The following CADM2 variants were observed in gnomAD, a reference collection of about 807,000 sequenced individuals.
CADM2 encodes the protein immunoglobulin superfamily member 4D.
In CADM2, 12 loss-of-function variants were observed where a neutral mutation model predicts 49.8. That is an observed-to-expected ratio of 0.24 (90% CI 0.15 to 0.39). The LOEUF (loss-of-function observed/expected upper bound fraction) is 0.39. CADM2 is among the 10% of genes least tolerant of loss of function. CADM2 has a pLI of 1.00. For missense variants in CADM2, 378 were observed against 492.3 expected (o/e 0.77, Z 2.20); for synonymous variants, 214 against 175.4 (o/e 1.22, Z -1.74).
At chr3:85,210,587 G>A (rs932658544) in intron 1 of CADM2, among the ~76,000 whole-genome samples, 1 of 152,038 alleles carries the variant, frequency 6.6e-6, no homozygotes, top group Non-Finnish European at 1.5e-5. Context: ...TGTTGCCCAG[G>A]TTGGAGTGCA....
intron 1 of CADM2, among the ~76,000 whole-genome samples, chr3:85,671,782 A>G (rs2065743758): frequency 6.6e-6 from 1 of 152,176 alleles, no homozygotes; most frequent in Non-Finnish European, 1.5e-5. Flanking sequence ...TTTAAAATTT[A>G]TCTTCTCATA....
intron 1 of CADM2, among the ~76,000 whole-genome samples, chr3:85,120,486 C>T (rs367658573): frequency 3.9e-5 from 6 of 152,248 alleles, no homozygotes; most frequent in African/African-American, 1.2e-4. Context: ...CCATGGAATA[C>T]TATGCAGCCA....
At chr3:85,102,604 GA>G (rs2038055889) in intron 1 of CADM2, among the ~76,000 whole-genome samples, 1 of 152,100 alleles carries the variant, frequency 6.6e-6, no homozygotes, top group South Asian at 2.1e-4. Context: ...GAAGATTTGA[GA>G]AAAAGTTAAA....
rs1015408218 is a variant in CADM2 at position 85,239,838 on chromosome 3, T to TA, written c.61+280173dup. Among the ~76,000 whole-genome samples, 51 of 151,558 alleles carry TA rather than the reference T, an allele frequency of 3.4e-4. 1 individual carries two copies. The highest frequency in any genetic ancestry group is 1.4e-3 in the Admixed American group (22 of 15,186). The stretch of plus-strand genomic sequence containing the variant: ...CTGAAAATGTCAGGAAGGTATTTAT[T>TA]AAATATTAATTGTATTCATGGAGTT... On this transcript the variant is annotated intron_variant, in intron 1 of 9. Coordinates refer to ENST00000383699, the MANE Select transcript of CADM2 (RefSeq NM_001167675.2).
At chr3:85,563,413 G>T (rs35640950) in intron 1 of CADM2, among the ~76,000 whole-genome samples, 12,336 of 147,050 alleles carry the variant, frequency 0.084, 1,135 homozygotes, top group African/African-American at 0.19. Context: ...TGTGTGTGTG[G>T]GGGGGTGGTA....
At chr3:85,267,926 A>G (rs1056350312) in intron 1 of CADM2, among the ~76,000 whole-genome samples, 3 of 151,668 alleles carry the variant, frequency 2.0e-5, no homozygotes, top group Non-Finnish European at 3.0e-5. Context: ...TTGTAAAGTC[A>G]TGTATTGAAA....
intron 1 of CADM2, among the ~76,000 whole-genome samples, chr3:84,994,814 G>A (rs2033086795): frequency 1.3e-5 from 2 of 152,056 alleles, no homozygotes. Flanking sequence ...AGATCACGAT[G>A]TCAGGAGTTC....
chr3:85,088,443 A>C (rs905328302), intron 1 of CADM2, among the ~76,000 whole-genome samples: 5 of 152,272 alleles, frequency 3.3e-5, no homozygotes, highest in South Asian at 4.1e-4. Flanking sequence ...ACTCTTTTAA[A>C]ACCCTGAAAA....
At chr3:85,979,353 G>A in intron 8 of CADM2, 1 of 1,508,048 alleles carries the variant, frequency 6.6e-7, no homozygotes, top group South Asian at 1.3e-5. Context: ...TTTTAGAAAG[G>A]TTAAAAACAT....
chr3:85,491,387 T>G (rs1165315826), intron 1 of CADM2, among the ~76,000 whole-genome samples: 1 of 152,196 alleles, frequency 6.6e-6, no homozygotes, highest in Non-Finnish European at 1.5e-5. Flanking sequence ...GAATTGAATT[T>G]ATGTCCATAA....
chr3:85,327,101 T>C (rs2044775262), intron 1 of CADM2, among the ~76,000 whole-genome samples: 1 of 152,010 alleles, frequency 6.6e-6, no homozygotes, highest in Admixed American at 6.6e-5. Context: ...TTAAATGGGT[T>C]GGTGTGGGTT....
At chr3:85,011,716 C>T (rs2034001706) in intron 1 of CADM2, among the ~76,000 whole-genome samples, 1 of 151,804 alleles carries the variant, frequency 6.6e-6, no homozygotes, top group Non-Finnish European at 1.5e-5. Flanking sequence ...GACCCCACCT[C>T]TACAATTTTT....
At chr3:85,500,505 A>G (rs1419711732) in intron 1 of CADM2, among the ~76,000 whole-genome samples, 2 of 151,082 alleles carry the variant, frequency 1.3e-5, no homozygotes, top group East Asian at 2.0e-4. Flanking sequence ...TTTCTGATAT[A>G]TTTTTTCATA....
intron 8 of CADM2, chr3:86,013,580 A>G (rs1731819903): frequency 6.2e-7 from 1 of 1,601,534 alleles, no homozygotes; most frequent in South Asian, 1.1e-5. Flanking sequence ...GCTGTATTCG[A>G]GAAGAAACTC....
In CADM2 at chr3:85,013,961, G is replaced by A. The variant is rs187951500; in HGVS notation, c.61+54293G>A. Among the ~76,000 whole-genome samples, 321 of 142,620 alleles carry A rather than the reference G, an allele frequency of 2.3e-3. 6 individuals carry two copies. Among genetic ancestry groups the A allele is most frequent in the Middle Eastern group, 8.2e-3 (2 of 244 alleles). 93.6% of individuals were successfully genotyped at this position (142,620 alleles called of 152,430 possible). On this transcript the variant is annotated intron_variant, in intron 1 of 9. Coordinates refer to ENST00000383699, the MANE Select transcript of CADM2 (RefSeq NM_001167675.2). Reference sequence around the variant, plus strand: ...TAATAATATTGTATATTATATATACGCAGTGTAATAATATTGTATATTATA... The same window carrying A: ...TAATAATATTGTATATTATATATACACAGTGTAATAATATTGTATATTATA...
chr3:85,061,622 A>G (rs2036319379), intron 1 of CADM2, among the ~76,000 whole-genome samples: 1 of 152,190 alleles, frequency 6.6e-6, no homozygotes, highest in Non-Finnish European at 1.5e-5. Context: ...CAGTCATGGA[A>G]AGTCTAGTTG....
intron 1 of CADM2, among the ~76,000 whole-genome samples, chr3:85,698,126 C>T (rs1452519668): frequency 6.6e-6 from 1 of 152,172 alleles, no homozygotes; most frequent in Non-Finnish European, 1.5e-5. Context: ...TACTATACCT[C>T]AAGATTTTGA....
intron 3 of CADM2, among the ~76,000 whole-genome samples, chr3:85,882,830 C>T (rs1449147201): frequency 6.6e-6 from 1 of 152,156 alleles, no homozygotes; most frequent in Non-Finnish European, 1.5e-5. Context: ...TGAAATAGTT[C>T]AAGTGCCTCT....
chr3:85,292,552 C>T (rs969844835), intron 1 of CADM2, among the ~76,000 whole-genome samples: 7 of 151,982 alleles, frequency 4.6e-5, no homozygotes, highest in Admixed American at 1.3e-4. Context: ...AAGCTCTCCT[C>T]AGCAAATGTA....
Sources: gnomAD v4.1 joint callset for allele counts (sites outside exome capture counted in the v4.1 genomes callset) on GRCh38, gnomAD v4.1.1 for gene constraint, MANE v1.5 for transcripts, NCBI Gene and HGNC (gene_info 2026-07-23, HGNC 2026-07-21) for gene names.